Variants in EDN3 observed in about 807,000 individuals in gnomAD.
EDN3 encodes the protein endothelin-3.
A neutral mutation model predicts 21.4 loss-of-function variants in EDN3; 9 were observed. That is an observed-to-expected ratio of 0.42 (90% CI 0.25 to 0.73). EDN3 has a LOEUF of 0.73. Among genes scored for constraint, EDN3 ranks in the 30% least tolerant of loss-of-function variants. The pLI is 0.26. For synonymous variants in EDN3, 133 were observed against 126.2 expected, an observed-to-expected ratio of 1.05 and a Z score of -0.36; for missense variants, 327 against 309.4, an observed-to-expected ratio of 1.06 and a Z score of -0.43.
chr20:59,315,596 T>C (rs917027274), intron 2 of EDN3, among the ~76,000 whole-genome samples: 1 of 152,208 alleles, frequency 6.6e-6, no homozygotes, highest in Non-Finnish European at 1.5e-5. Context: ...AGGAAAATAG[T>C]ATCAGGTACT....
At chr20:59,301,236 C>G (rs1988990920) in intron 1 of EDN3, among the ~76,000 whole-genome samples, 174 bp from the exon 2 acceptor site, 2 of 152,246 alleles carry the variant, frequency 1.3e-5, no homozygotes, top group Non-Finnish European at 2.9e-5. Flanking sequence ...AGATAGCTTG[C>G]AAGCTTTTCA....
intron 2 of EDN3, among the ~76,000 whole-genome samples, chr20:59,308,227 C>T (rs770332660): frequency 6.6e-6 from 1 of 152,078 alleles, no homozygotes; most frequent in African/African-American, 2.4e-5. Context: ...GGCGAGAGGG[C>T]GAGGGACCCC....
intron 2 of EDN3, among the ~76,000 whole-genome samples, chr20:59,318,764 T>C (rs1990347914): frequency 6.6e-6 from 1 of 152,246 alleles, no homozygotes; most frequent in South Asian, 2.1e-4. Flanking sequence ...CCTTGTTTCC[T>C]TACTTAAAAC....
intron 2 of EDN3, among the ~76,000 whole-genome samples, chr20:59,317,572 C>T (rs1990260650): frequency 6.6e-6 from 1 of 152,164 alleles, no homozygotes; most frequent in Non-Finnish European, 1.5e-5. Flanking sequence ...CTGTGTGTAC[C>T]TTGCACATAC....
chr20:59,314,174 T>G (rs904072025), intron 2 of EDN3, among the ~76,000 whole-genome samples: 1 of 152,112 alleles, frequency 6.6e-6, no homozygotes, highest in African/African-American at 2.4e-5. Flanking sequence ...GTGCACACAC[T>G]TGGGGGAAAG....
At chr20:59,323,556 A>G (rs1269417168) in intron 4 of EDN3, 1 of 399,090 alleles carries the variant, frequency 2.5e-6, no homozygotes, top group Admixed American at 4.4e-5. Context: ...GCAAACATGT[A>G]CAATTTAAAG....
chr20:59,300,878 G>A lies in EDN3; in HGVS notation c.52+14G>A. The A allele has an allele frequency of 6.2e-7, 1 of 1,609,926 alleles. No homozygotes were observed. The highest frequency in any genetic ancestry group is 2.2e-5 in the East Asian group (1 of 44,828). ...CCTCCGCCGCAGGTAAGCGCACGGG[G>A]CGGCGCGCCTCTCCTGGCGCGAGCG... On this transcript the variant is annotated intron_variant, in intron 1 of 4. Coordinates refer to ENST00000337938, the MANE Select transcript of EDN3 (RefSeq NM_207034.3).
chr20:59,320,965 C>T, intron 2 of EDN3, 52 bp from the exon 3 acceptor site: 1 of 1,609,952 alleles, frequency 6.2e-7, no homozygotes, highest in South Asian at 1.1e-5. Context: ...TTGGGGGCCC[C>T]TGAGCAGGGA....
intron 2 of EDN3, among the ~76,000 whole-genome samples, chr20:59,317,897 C>A (rs1990285976): frequency 6.6e-6 from 1 of 152,190 alleles, no homozygotes; most frequent in East Asian, 1.9e-4. Flanking sequence ...AGTAAAAGAC[C>A]TGCCCTCTCT....
chr20:59,303,422 C>G (rs151091279), intron 2 of EDN3, among the ~76,000 whole-genome samples: 1 of 152,348 alleles, frequency 6.6e-6, no homozygotes, highest in African/African-American at 2.4e-5. Flanking sequence ...GTGCTCTGAT[C>G]AAATTCACTT....
chr20:59,304,676 T>C (rs1359145723), intron 2 of EDN3, among the ~76,000 whole-genome samples: 1 of 152,184 alleles, frequency 6.6e-6, no homozygotes. Context: ...TATTGGGAGT[T>C]ACTACCGAGA....
intron 2 of EDN3, among the ~76,000 whole-genome samples, chr20:59,304,886 C>T (rs1989292926): frequency 6.6e-6 from 1 of 152,162 alleles, no homozygotes; most frequent in South Asian, 2.1e-4. Context: ...GGCATGGATG[C>T]TCAGGAAATG....
chr20:59,310,026 A>C (rs1281107786), intron 2 of EDN3, among the ~76,000 whole-genome samples: 1 of 152,204 alleles, frequency 6.6e-6, no homozygotes, highest in Non-Finnish European at 1.5e-5. Context: ...AAGGGCCATT[A>C]CAGTGAGGAA....
chr20:59,316,098 A>G (rs1990162437), intron 2 of EDN3, among the ~76,000 whole-genome samples: 1 of 152,156 alleles, frequency 6.6e-6, no homozygotes, highest in African/African-American at 2.4e-5. Context: ...AGGCACGAGA[A>G]TCGCTCAAAC....
At position 59,325,058 on chromosome 20, in the gene EDN3, A is replaced by C. The variant is rs1990762303; in HGVS notation, c.*599A>C. The stretch of plus-strand genomic sequence containing the variant: ...AGAATGTATCTCGAAAGAATGAAGG[A>C]AGAAGAAAAAAGGATCCTTGATGTT... On this transcript the variant is annotated 3_prime_UTR_variant, in exon 5 of 5. Transcript: ENST00000337938. 1 of 159,502 alleles carries C rather than the reference A, an allele frequency of 6.3e-6. No homozygotes were observed. Among genetic ancestry groups the C allele is most frequent in the Non-Finnish European group, 1.4e-5 (1 of 71,896 alleles). 9.9% of individuals were successfully genotyped at this position (159,502 alleles called of 1,614,324 possible).
At chr20:59,310,359 T>C (rs1248600538) in intron 2 of EDN3, among the ~76,000 whole-genome samples, 1 of 152,182 alleles carries the variant, frequency 6.6e-6, no homozygotes, top group Non-Finnish European at 1.5e-5. Flanking sequence ...CACTTTGGAA[T>C]AGAAATTAAT....
intron 1 of EDN3, 69 bp downstream of exon 1, chr20:59,300,933 G>A: frequency 1.3e-6 from 2 of 1,556,748 alleles, no homozygotes; most frequent in Non-Finnish European, 8.7e-7. Flanking sequence ...CGGGGGACCC[G>A]AGGCGCGGAG....
chr20:59,323,230 C>G (rs902430009), intron 4 of EDN3, among the ~76,000 whole-genome samples: 2 of 152,002 alleles, frequency 1.3e-5, no homozygotes, highest in Non-Finnish European at 2.9e-5. Flanking sequence ...AAAAATGGAG[C>G]GGGAGGAGGA....
rs756038575 is a variant in EDN3, at chr20:59,324,441, T to C, written c.699T>C (p.Phe233=). Residue 233 remains phenylalanine, a synonymous_variant, in exon 5 of 5, where the codon TTT becomes TTC. Coordinates refer to ENST00000337938, the MANE Select transcript of EDN3 (RefSeq NM_207034.3). Reference sequence around the variant, plus strand: ...CATCTACCTGCCCCCGCTGCCTCTTTCAGGAAGGAGCCCCTTAGGAGGACA... The same window carrying C: ...CATCTACCTGCCCCCGCTGCCTCTTCCAGGAAGGAGCCCCTTAGGAGGACA... The part of the protein sequence containing the change: ...LAPSTCPRCL[F]QEGAP 6 of 1,614,000 alleles carry C rather than the reference T, an allele frequency of 3.7e-6. No homozygotes were observed. The highest frequency in any genetic ancestry group is 1.7e-5 in the Admixed American group (1 of 60,020).
Sources: gnomAD v4.1 joint callset for allele counts (sites outside exome capture counted in the v4.1 genomes callset) on GRCh38, gnomAD v4.1.1 for gene constraint, MANE v1.5 for transcripts, NCBI Gene and HGNC (gene_info 2026-07-23, HGNC 2026-07-21) for gene names.